The following ROBO2 variants were observed in gnomAD, a reference collection of about 807,000 sequenced individuals.
ROBO2 encodes the protein roundabout guidance receptor 2, also known as roundabout homolog 2.
Under a neutral mutation model 160.8 loss-of-function variants are expected in ROBO2, and 53 were observed. That is an observed-to-expected ratio of 0.33 (90% confidence interval 0.26 to 0.41). The LOEUF is 0.41. Ranked by LOEUF, ROBO2 falls within the 10% of genes least tolerant of loss-of-function variation. ROBO2 has a pLI of 1.00. For synonymous variants in ROBO2, 664 were observed against 611.7 expected (o/e 1.09, Z -1.26); for missense variants, 1,577 against 1,722.4 (o/e 0.92, Z 1.49).
chr3:77,095,324 T>C (rs1395777853), intron 1 of ROBO2, among the ~76,000 whole-genome samples: 1 of 152,136 alleles, frequency 6.6e-6, no homozygotes, highest in African/African-American at 2.4e-5. Flanking sequence ...TACTGGAGTT[T>C]AATTTTATTG....
chr3:76,166,596 C>T (rs2072849050), intron 2 of ROBO2, among the ~76,000 whole-genome samples: 1 of 152,022 alleles, frequency 6.6e-6, no homozygotes, highest in African/African-American at 2.4e-5. Context: ...GAAATTCAGG[C>T]AGTTGAGATT....
chr3:76,192,910 T>C (rs1702083133), intron 2 of ROBO2, among the ~76,000 whole-genome samples: 1 of 152,192 alleles, frequency 6.6e-6, no homozygotes, highest in South Asian at 2.1e-4. Context: ...GGTCAATTTA[T>C]GCTGCCCAGC....
chr3:76,936,986 A>G (rs186005408), intron 2 of ROBO2, among the ~76,000 whole-genome samples: 1 of 151,576 alleles, frequency 6.6e-6, no homozygotes, highest in African/African-American at 2.4e-5. Context: ...AGCACATTTT[A>G]TGTAGTGTTC....
intron 2 of ROBO2, among the ~76,000 whole-genome samples, chr3:75,991,534 G>C (rs561933763): frequency 2.6e-5 from 4 of 152,126 alleles, no homozygotes; most frequent in Non-Finnish European, 4.4e-5. Context: ...GGCCTCCCCA[G>C]GCATGTGGAA....
intron 2 of ROBO2, chr3:76,434,787 C>G: frequency 1.5e-6 from 2 of 1,317,078 alleles, no homozygotes; most frequent in South Asian, 2.3e-5. Context: ...GCAGATTAAT[C>G]AGGGGGAGAG....
chr3:77,231,579 G>A (rs2087219467), intron 2 of ROBO2, among the ~76,000 whole-genome samples: 1 of 151,750 alleles, frequency 6.6e-6, no homozygotes, highest in African/African-American at 2.4e-5. Flanking sequence ...AGGTGGCCAC[G>A]CTGGAATCTT....
At chr3:77,461,362 G>T (rs181297983) in intron 2 of ROBO2, among the ~76,000 whole-genome samples, 2 of 151,710 alleles carry the variant, frequency 1.3e-5, no homozygotes. Context: ...ATAGATCCAA[G>T]GATTAGACAA....
At chr3:76,453,353 A>G (rs1012313460) in intron 2 of ROBO2, among the ~76,000 whole-genome samples, 1 of 152,172 alleles carries the variant, frequency 6.6e-6, no homozygotes, top group African/African-American at 2.4e-5. Context: ...TAATTTTTGT[A>G]TAAGGTGTAA....
At chr3:77,161,169 T>A (rs1382970143) in intron 2 of ROBO2, among the ~76,000 whole-genome samples, 3 of 152,114 alleles carry the variant, frequency 2.0e-5, no homozygotes, top group Admixed American at 2.0e-4. Flanking sequence ...CCCAGGAGGT[T>A]TTAGTTGTTT....
intron 2 of ROBO2, among the ~76,000 whole-genome samples, chr3:76,635,361 C>T (rs746881762): frequency 6.6e-6 from 1 of 152,132 alleles, no homozygotes; most frequent in African/African-American, 2.4e-5. Flanking sequence ...AAACTCACAA[C>T]TTCTAATTAG....
intron 2 of ROBO2, among the ~76,000 whole-genome samples, chr3:76,993,029 G>A (rs1298365223): frequency 6.6e-6 from 1 of 152,024 alleles, no homozygotes; most frequent in Non-Finnish European, 1.5e-5. Context: ...TGTTTGCCAG[G>A]CTGGTCTCAA....
intron 2 of ROBO2, among the ~76,000 whole-genome samples, chr3:76,485,912 A>G (rs2079471006): frequency 1.3e-5 from 2 of 152,194 alleles, no homozygotes. Context: ...AAACTCCAGA[A>G]ACTCTCACTA....
intron 2 of ROBO2, among the ~76,000 whole-genome samples, chr3:77,366,469 C>A (rs1039069712): frequency 6.6e-6 from 1 of 151,992 alleles, no homozygotes. Context: ...GAAAGCAGGC[C>A]CTCTCCAGAC....
intron 2 of ROBO2, among the ~76,000 whole-genome samples, chr3:76,364,793 TTAA>T (rs2075717474): frequency 6.6e-6 from 1 of 152,092 alleles, no homozygotes; most frequent in African/African-American, 2.4e-5. Flanking sequence ...GCTGCTGATC[TTAA>T]TAATACTTTT....
chr3:76,681,715 TGTG>T (rs2092567222), intron 2 of ROBO2, among the ~76,000 whole-genome samples: 1 of 152,024 alleles, frequency 6.6e-6, no homozygotes, highest in Non-Finnish European at 1.5e-5. Flanking sequence ...AGAGGGTCAG[TGTG>T]GCTGGAAAGG....
At chr3:76,671,891 C>T (rs1349908597) in intron 2 of ROBO2, among the ~76,000 whole-genome samples, 1 of 151,826 alleles carries the variant, frequency 6.6e-6, no homozygotes, top group Non-Finnish European at 1.5e-5. Flanking sequence ...TTTAAGAACA[C>T]TTCAGAAGTC....
intron 2 of ROBO2, among the ~76,000 whole-genome samples, chr3:77,214,541 A>T (rs2084658053): frequency 6.6e-6 from 1 of 152,214 alleles, no homozygotes; most frequent in African/African-American, 2.4e-5. Flanking sequence ...CGAATTTGCC[A>T]GTCTGTGCCT....
chr3:77,474,154 C>T (rs2083695337), intron 2 of ROBO2, among the ~76,000 whole-genome samples: 1 of 152,068 alleles, frequency 6.6e-6, no homozygotes, highest in Non-Finnish European at 1.5e-5. Context: ...CCTTGTGAGC[C>T]GAAAAGACTT....
chr3:76,954,592 A>C (rs1461226863), intron 2 of ROBO2, among the ~76,000 whole-genome samples: 1 of 152,226 alleles, frequency 6.6e-6, no homozygotes, highest in African/African-American at 2.4e-5. Context: ...TCAGCATAAA[A>C]GCATGATGAA....
Sources: allele counts gnomAD v4.1 joint callset (sites outside exome capture counted in the v4.1 genomes callset), GRCh38; gene constraint gnomAD v4.1.1; transcripts MANE v1.5; gene names NCBI Gene and HGNC (gene_info 2026-07-23, HGNC 2026-07-21).